The following HARS1 variants were observed in gnomAD, a reference collection of about 807,000 sequenced individuals.
HARS1 encodes the protein histidyl-tRNA synthetase 1.
HARS1 carries 45 observed loss-of-function variants against 63.6 expected under a neutral mutation model. The observed-to-expected ratio is 0.71, with a 90% CI of 0.56 to 0.91. The LOEUF (loss-of-function observed/expected upper bound fraction) is 0.91, where lower values mean the gene tolerates loss of function less well. HARS1 is among the 40% of genes least tolerant of loss of function. The pLI is 0.00. For synonymous variants in HARS1, 205 were observed against 247.1 expected (o/e 0.83, Z 1.60); for missense variants, 508 against 643.2 (o/e 0.79, Z 2.27).
chr5:140,676,918 C>G lies in HARS1; in HGVS notation c.952-22G>C, dbSNP rs376035495. ...AGATCTGTGGAGATAAGAAAATGGT[C>G]AGTGCCAGATTAAGATCAGGGACCT... On this transcript the variant is annotated intron_variant, in intron 9 of 12. Transcript: ENST00000504156. The surrounding 1 kb of genome is among the most constrained non-coding windows in gnomAD (Gnocchi z 4.1). 75 of 1,612,964 alleles carry G rather than the reference C, an allele frequency of 4.6e-5. No individual in the cohort carries two copies. The African/African-American group carries it at 9.7e-4, about 21-fold the overall frequency.
chr5:140,677,473 G>T, intron 7 of HARS1, 53 bp from the exon 8 acceptor site: 1 of 1,379,232 alleles, frequency 7.3e-7, no homozygotes, highest in Non-Finnish European at 1.0e-6. Flanking sequence ...GCACCACAGA[G>T]CAAGTGTGTA....
intron 5 of HARS1, 106 bp downstream of exon 5, chr5:140,678,896 T>A (rs1353383710): frequency 8.6e-7 from 1 of 1,160,764 alleles, no homozygotes; most frequent in African/African-American, 1.6e-5. Flanking sequence ...AAGAGCATTA[T>A]CTGGGTCATC....
In HARS1 at chr5:140,683,193, C is replaced by G. The variant is rs1758823982; in HGVS notation, c.207G>C (p.Gln69His). 6 of 1,614,012 alleles carry G rather than the reference C, an allele frequency of 3.7e-6. No homozygotes were observed. Among genetic ancestry groups the G allele is most frequent in the Non-Finnish European group, 5.1e-6 (6 of 1,179,856 alleles). Residue 69 changes from glutamine to histidine, a missense_variant, in exon 3 of 13, where the codon CAG (glutamine) becomes CAC (histidine). Coordinates refer to ENST00000504156, the MANE Select transcript of HARS1 (RefSeq NM_002109.6). ...CAAACACCTTCTCGCGAACTGCCAT[C>G]TGCCGGGGACTATAGTCTCTTGTGC... is the stretch of plus-strand genomic sequence containing the variant. The part of the protein sequence containing the change: ...PKGTRDYSPR[Q>H]MAVREKVFDV...
rs148935291 is a variant in HARS1, at chr5:140,675,202, C to T, written c.1195-69G>A. On this transcript the variant is annotated intron_variant, in intron 10 of 12. Transcript: ENST00000504156. Reference sequence around the variant, plus strand: ...AGGAGCAAACAAAGCAGGCTCTAGTCGGGATTTTGAGACCAGGCCCAACTC... The same window carrying T: ...AGGAGCAAACAAAGCAGGCTCTAGTTGGGATTTTGAGACCAGGCCCAACTC... 1.1e-3 allele frequency: 1,178 copies of T among 1,047,416 alleles called. 5 individuals are homozygous for T. Among genetic ancestry groups the T allele is most frequent in the African/African-American group, 9.6e-3 (611 of 63,884 alleles). The allele number at this position is 1,047,416 out of a possible 1,614,324, so 64.9% of individuals were successfully genotyped here. A position where few individuals can be genotyped will look rare whatever the true frequency, so the allele number is the denominator to read the frequency against.
chr5:140,674,735 C>T lies in HARS1; in HGVS notation c.1402G>A (p.Glu468Lys), dbSNP rs199615869. The T allele has an allele frequency of 1.4e-4, 226 of 1,614,196 alleles. No homozygotes were observed. The highest frequency in any genetic ancestry group is 1.8e-4 in the Non-Finnish European group (207 of 1,180,024). ...AGIPLVAIIG[E>K]QELKDGVIKL... ...ATGACCCCATCCTTGAGTTCCTGCT[C>T]GCCGATGATAGCCACCAGTGGGATG... The change falls in exon 12 of 13, where the codon GAG (glutamate) becomes AAG (lysine). Residue 468 changes from glutamate (E) to lysine (K), a missense_variant. Physicochemically the swap from Glu to Lys is moderately conservative, Grantham distance 56 (BLOSUM62 1). Transcript: ENST00000504156.
Position 140,691,288 on chromosome 5 carries a change from G to T in HARS1, c.17C>A (p.Ala6Glu). 6.2e-7 allele frequency: 1 copy of T among 1,606,568 alleles called. No individual in the cohort carries two copies. The change falls in exon 1 of 13, where the codon GCG (alanine) becomes GAG (glutamate). Residue 6 changes from alanine (A) to glutamate (E), a missense_variant. Coordinates refer to ENST00000504156, the MANE Select transcript of HARS1 (RefSeq NM_002109.6). ...CTGAAGTTTCACCAGCTCCTCCAGC[G>T]CCGCACGCTCTGCCATCCCGGCTGT... MAERA[A>E]LEELVKLQGE...
Position 140,691,359 on chromosome 5 carries a change from C to G in HARS1, c.-55G>C. The G allele has an allele frequency of 2.2e-6, 3 of 1,371,794 alleles. No homozygotes were observed. The Admixed American group carries it at 5.8e-5, about 26-fold the overall frequency. 85.0% of individuals were successfully genotyped at this position (1,371,794 alleles called of 1,614,324 possible). On this transcript the variant is annotated 5_prime_UTR_variant, in exon 1 of 13. Transcript: ENST00000504156. ...CTCGACCTGCGGTGGTTGCCCCAGC[C>G]TCAGCAAGGATGACTTCCGGCTATC...
At position 140,677,941 on chromosome 5, in the gene HARS1, C is replaced by G; in HGVS notation, c.597G>C (p.Leu199=). The G allele has an allele frequency of 6.2e-6, 10 of 1,612,156 alleles. No homozygotes were observed. Among genetic ancestry groups the G allele is most frequent in the Non-Finnish European group, 8.5e-6 (10 of 1,178,372 alleles). ...GGAAGTCGCCTATCTGAAGTGAACTCAGGATCTCGCACATGATCTTCAGGC... is the reference window on the plus strand; with the variant it reads ...GGAAGTCGCCTATCTGAAGTGAACTGAGGATCTCGCACATGATCTTCAGGC... ...AECLKIMCEI[L]SSLQIGDFLV... The change falls in exon 6 of 13, where the codon CTG becomes CTC. Residue 199 remains leucine (L), a synonymous_variant. Coordinates refer to ENST00000504156, the MANE Select transcript of HARS1 (RefSeq NM_002109.6).
rs1394310526 is a variant in HARS1, at chr5:140,676,761, A to G, written c.1087T>C (p.Tyr363His). 1 of 1,614,216 alleles carries G rather than the reference A, an allele frequency of 6.2e-7. No individual in the cohort carries two copies. Among genetic ancestry groups the G allele is most frequent in the South Asian group, 1.1e-5 (1 of 91,088 alleles). ...TCGAACATGCCCACTAGCCCATCAT[A>G]GCGTCCTCCAGCAGCCACACTGCCC... ...GVGSVAAGGR[Y>H]DGLVGMFDPK... Residue 363 changes from tyrosine (Y) to histidine (H), a missense_variant, in exon 10 of 13, where the codon TAT becomes CAT. This residue lies in a region of HARS1 where 403 missense variants were observed against 548.7 expected (regional missense o/e 0.73). Transcript: ENST00000504156. This position sits in a 1 kb window ranked among gnomAD's most constrained non-coding sequence, Gnocchi z 4.1.
chr5:140,688,765 T>A (rs982093765), intron 2 of HARS1, among the ~76,000 whole-genome samples: 3 of 152,098 alleles, frequency 2.0e-5, no homozygotes, highest in Non-Finnish European at 2.9e-5. Flanking sequence ...TAAAAAAAAA[T>A]TTTCACATTC....
At chr5:140,682,268 A>G (rs1758772899) in intron 3 of HARS1, among the ~76,000 whole-genome samples, 1 of 152,090 alleles carries the variant, frequency 6.6e-6, no homozygotes, top group South Asian at 2.1e-4. Context: ...AGTCTCTAGT[A>G]TAATCTGAAA....
intron 2 of HARS1, among the ~76,000 whole-genome samples, chr5:140,688,090 CAA>C (rs1454978410): frequency 6.6e-6 from 1 of 151,574 alleles, no homozygotes; most frequent in Non-Finnish European, 1.5e-5. Flanking sequence ...GGCGACAGAG[CAA>C]GACTCCGTCT....
rs140005970 is a variant in HARS1 at position 140,688,767 on chromosome 5, T to G, written c.180+2088A>C. ...GGGCCATTTGTCCTAAAAAAAAATT[T>G]TCACATTCTAGATTTGGTGAACAAT... On this transcript the variant is annotated intron_variant, in intron 2 of 12. Coordinates refer to ENST00000504156, the MANE Select transcript of HARS1 (RefSeq NM_002109.6). Among the ~76,000 whole-genome samples the G allele has an allele frequency of 4.6e-5, 7 of 152,330 alleles. No homozygotes were observed. The East Asian group carries it at 1.2e-3, about 25-fold the overall frequency.
At chr5:140,682,856 G>A in intron 3 of HARS1, 1 of 436,692 alleles carries the variant, frequency 2.3e-6, no homozygotes, top group Non-Finnish European at 4.1e-6. Flanking sequence ...ATGTAGAGAG[G>A]ACCCAGAACA....
rs1390361654 is a variant in HARS1, at chr5:140,679,766, G to C, written c.396+22C>G. The C allele has an allele frequency of 2.2e-6, 3 of 1,350,822 alleles. No homozygotes were observed. The highest frequency in any genetic ancestry group is 3.2e-6 in the Non-Finnish European group (3 of 946,564). The allele number at this position is 1,350,822 out of a possible 1,614,324, so 83.7% of individuals were successfully genotyped here. A position where few individuals can be genotyped will look rare whatever the true frequency, so the allele number is the denominator to read the frequency against. On this transcript the variant is annotated intron_variant, in intron 4 of 12. Coordinates refer to ENST00000504156, the MANE Select transcript of HARS1 (RefSeq NM_002109.6). The surrounding 1 kb of genome is among the most constrained non-coding windows in gnomAD (Gnocchi z 4.3). ...AGTGCCAATCCATCCAAAGTCTCAA[G>C]AGCCCAAGTTTAGAAAGATACAGTG...
In HARS1 at chr5:140,677,640, T is replaced by C; in HGVS notation, c.729+15A>G. ...GTGGGATCTGGGAAAAGAAGTCAAG[T>C]ACTTGGGTTGTTACCTTGTCCAGCT... On this transcript the variant is annotated intron_variant, in intron 7 of 12. Transcript: ENST00000504156. The C allele has an allele frequency of 6.4e-7, 1 of 1,556,594 alleles. No individual in the cohort carries two copies. Among genetic ancestry groups the C allele is most frequent in the Non-Finnish European group, 8.9e-7 (1 of 1,128,014 alleles).
At chr5:140,686,807 G>T (rs1328476717) in intron 2 of HARS1, among the ~76,000 whole-genome samples, 1 of 151,402 alleles carries the variant, frequency 6.6e-6, no homozygotes, top group African/African-American at 2.4e-5. Flanking sequence ...TGGTCAGGTT[G>T]GTCTCAAACT....
At chr5:140,687,558 A>G (rs1759112082) in intron 2 of HARS1, 1 of 152,134 alleles carries the variant, frequency 6.6e-6, no homozygotes, top group Non-Finnish European at 1.5e-5. Context: ...AAGAAACCCC[A>G]AAACAAACAA....
rs1238139232 is a variant in HARS1, at chr5:140,679,957, T to C, written c.301-74A>G. ...TAAAAGGAAGTTTTGAAAACAAACA[T>C]GACTGATTCCAACTTGTCTACATTT... On this transcript the variant is annotated intron_variant, in intron 3 of 12. Transcript: ENST00000504156. This position sits in a 1 kb window ranked among gnomAD's most constrained non-coding sequence, Gnocchi z 4.3. 2 of 793,712 alleles carry C rather than the reference T, an allele frequency of 2.5e-6. No individual in the cohort carries two copies. The highest frequency in any genetic ancestry group is 1.7e-5 in the African/African-American group (1 of 57,562). The allele number at this position is 793,712 out of a possible 1,614,324, so 49.2% of individuals were successfully genotyped here.
Sources: allele counts gnomAD v4.1 joint callset (sites outside exome capture counted in the v4.1 genomes callset), GRCh38; gene constraint gnomAD v4.1.1; regional missense constraint gnomAD v4.1.1; non-coding constraint Gnocchi (gnomAD v3.1); transcripts MANE v1.5; gene names NCBI Gene and HGNC (gene_info 2026-07-23, HGNC 2026-07-21).